ITGBL1: variants seen among roughly 807,000 people sequenced by gnomAD.
ITGBL1 encodes integrin beta-like protein 1.
A neutral mutation model predicts 68.5 loss-of-function variants in ITGBL1; 51 were observed. The observed-to-expected ratio is 0.74, with a 90% CI of 0.59 to 0.94. The LOEUF (loss-of-function observed/expected upper bound fraction) is 0.94, where lower values mean the gene tolerates loss of function less well. ITGBL1 is among the 40% of genes least tolerant of loss of function. The pLI is 0.00. For missense variants in ITGBL1, 649 were observed against 647.4 expected (o/e 1.00, Z -0.03); for synonymous variants, 209 against 227.3 (o/e 0.92, Z 0.72).
intron 2 of ITGBL1, among the ~76,000 whole-genome samples, chr13:101,538,317 G>C (rs769668688): frequency 3.3e-5 from 5 of 151,844 alleles, no homozygotes; most frequent in Non-Finnish European, 5.9e-5. Context: ...GGGGGGCCGT[G>C]TAAAGAGATG....
chr13:101,549,089 A>G (rs2049877126), intron 2 of ITGBL1, among the ~76,000 whole-genome samples: 1 of 151,950 alleles, frequency 6.6e-6, no homozygotes, highest in Non-Finnish European at 1.5e-5. Flanking sequence ...TACAGAGTTG[A>G]GAAAAAGATA....
At chr13:101,596,197 A>C (rs781661851) in intron 6 of ITGBL1, among the ~76,000 whole-genome samples, 9 of 152,168 alleles carry the variant, frequency 5.9e-5, no homozygotes, top group Non-Finnish European at 1.2e-4. Flanking sequence ...AGACAAAAAA[A>C]CACTGCACGA....
At chr13:101,515,617 TGTACTGACCAG>T (rs2049182794) in intron 2 of ITGBL1, among the ~76,000 whole-genome samples, 2 of 152,154 alleles carry the variant, frequency 1.3e-5, no homozygotes, top group African/African-American at 4.8e-5. Flanking sequence ...TGTTTGGTTT[TGTACTGACCAG>T]GTGCTGACCA....
chr13:101,714,612 C>T (rs1019008816), intron 10 of ITGBL1, 61 bp downstream of exon 10: 16 of 1,002,490 alleles, frequency 1.6e-5, no homozygotes, highest in Non-Finnish European at 2.1e-5. Flanking sequence ...CCAAGAGACA[C>T]TCGTCATGCA....
At chr13:101,681,405 T>G (rs187932021) in intron 7 of ITGBL1, among the ~76,000 whole-genome samples, 1 of 152,254 alleles carries the variant, frequency 6.6e-6, no homozygotes, top group African/African-American at 2.4e-5. Flanking sequence ...AGTTTACAGA[T>G]TTTCACCCTT....
chr13:101,588,297 T>TTTTGTGTGTG (rs1555360538), intron 6 of ITGBL1, among the ~76,000 whole-genome samples: 1 of 149,672 alleles, frequency 6.7e-6, no homozygotes, highest in Non-Finnish European at 1.5e-5. Context: ...TATTCTTCCA[T>TTTTGTGTGTG]TGTGTGTGTG....
intron 2 of ITGBL1, among the ~76,000 whole-genome samples, chr13:101,488,715 C>T (rs1365948674): frequency 1.3e-5 from 2 of 152,128 alleles, no homozygotes; most frequent in Non-Finnish European, 2.9e-5. Context: ...TATGTTCTGA[C>T]AACAGCAATA....
intron 2 of ITGBL1, among the ~76,000 whole-genome samples, chr13:101,510,887 C>T (rs78325973): frequency 6.6e-6 from 1 of 151,850 alleles, no homozygotes; most frequent in Non-Finnish European, 1.5e-5. Context: ...TATAGATTCT[C>T]GATATGAGAC....
At chr13:101,565,280 C>A (rs1195165731) in intron 2 of ITGBL1, among the ~76,000 whole-genome samples, 2 of 152,102 alleles carry the variant, frequency 1.3e-5, no homozygotes, top group Non-Finnish European at 1.5e-5. Context: ...TGCTAAAGCT[C>A]TTACTAACCT....
At chr13:101,583,165 T>A (rs1482971166) in intron 5 of ITGBL1, 51 bp from the exon 6 acceptor site, 1 of 1,564,720 alleles carries the variant, frequency 6.4e-7, no homozygotes, top group Non-Finnish European at 8.8e-7. Flanking sequence ...AAATGCTTTC[T>A]TTCATGGTTT....
chr13:101,478,215 G>C (rs576028515), intron 2 of ITGBL1, among the ~76,000 whole-genome samples: 1 of 151,420 alleles, frequency 6.6e-6, no homozygotes, highest in South Asian at 2.1e-4. Context: ...CAACATATCA[G>C]CAGAATGAAG....
intron 7 of ITGBL1, among the ~76,000 whole-genome samples, chr13:101,604,845 AATAT>A (rs1555361671): frequency 2.7e-3 from 78 of 29,360 alleles, no homozygotes; most frequent in Middle Eastern, 0.031. Flanking sequence ...AGGTGAAGGC[AATAT>A]ATATATATAT....
intron 6 of ITGBL1, among the ~76,000 whole-genome samples, chr13:101,597,179 A>G (rs897502179): frequency 2.0e-5 from 3 of 152,156 alleles, no homozygotes; most frequent in Non-Finnish European, 4.4e-5. Flanking sequence ...AAGGAGGTAT[A>G]TGGAATATCT....
At chr13:101,503,167 A>G (rs577739000) in intron 2 of ITGBL1, among the ~76,000 whole-genome samples, 2 of 152,300 alleles carry the variant, frequency 1.3e-5, no homozygotes, top group African/African-American at 4.8e-5. Flanking sequence ...ATACTGTGAA[A>G]TTTAGGGAGG....
At chr13:101,500,712 A>C (rs1454931921) in intron 2 of ITGBL1, among the ~76,000 whole-genome samples, 3 of 152,216 alleles carry the variant, frequency 2.0e-5, no homozygotes, top group African/African-American at 7.2e-5. Context: ...GCAGAAGGGC[A>C]TCCTGGTGGG....
intron 2 of ITGBL1, among the ~76,000 whole-genome samples, chr13:101,543,328 G>C (rs1474802333): frequency 6.6e-6 from 1 of 152,100 alleles, no homozygotes; most frequent in Admixed American, 6.6e-5. Flanking sequence ...GCTTAGTTTG[G>C]CTGGATATGA....
At position 101,701,426 on chromosome 13, in the gene ITGBL1, G is replaced by A. The variant is rs181975926; in HGVS notation, c.1133-5330G>A. ...CACATGCCTGTAATCCCAGCTATTC[G>A]GGAGGCTGAGGCAGGAGAATGGCTT... On this transcript the variant is annotated intron_variant, in intron 8 of 10. Coordinates refer to ENST00000376180, the MANE Select transcript of ITGBL1 (RefSeq NM_004791.3). 3.3e-3 allele frequency among the ~76,000 whole-genome samples: 504 copies of A among 152,120 alleles called. 2 individuals carry two copies. The highest frequency in any genetic ancestry group is 0.011 in the African/African-American group (459 of 41,516).
intron 7 of ITGBL1, among the ~76,000 whole-genome samples, chr13:101,618,646 C>T (rs529612847): frequency 1.8e-4 from 27 of 152,220 alleles, no homozygotes; most frequent in African/African-American, 6.3e-4. Flanking sequence ...ACACCTACAC[C>T]CGTGTACATA....
At chr13:101,669,939 A>C (rs1594968354) in intron 7 of ITGBL1, among the ~76,000 whole-genome samples, 1 of 152,124 alleles carries the variant, frequency 6.6e-6, no homozygotes, top group Admixed American at 6.5e-5. Flanking sequence ...GCAGAGGTAC[A>C]TCTTTTCATA....
Sources: gnomAD v4.1 joint callset for allele counts (sites outside exome capture counted in the v4.1 genomes callset) on GRCh38, gnomAD v4.1.1 for gene constraint, MANE v1.5 for transcripts, NCBI Gene and HGNC (gene_info 2026-07-23, HGNC 2026-07-21) for gene names.